Variants in ZNF407 observed in about 807,000 individuals in gnomAD.
ZNF407 encodes zinc finger protein 407.
Under a neutral mutation model 131.2 loss-of-function variants are expected in ZNF407, and 17 were observed. That is an observed-to-expected ratio of 0.13 (90% CI 0.09 to 0.19). ZNF407 has a LOEUF of 0.19. ZNF407 is among the 10% of genes least tolerant of loss of function. ZNF407 has a pLI of 1.00. For missense variants in ZNF407, 2,681 were observed against 2,830.6 expected (o/e 0.95, Z 1.20); for synonymous variants, 1,156 against 1,062.0 (o/e 1.09, Z -1.72).
At chr18:74,795,237 G>C (rs940490045) in intron 4 of ZNF407, among the ~76,000 whole-genome samples, 1 of 151,900 alleles carries the variant, frequency 6.6e-6, no homozygotes, top group African/African-American at 2.4e-5. Flanking sequence ...TTATACTCTG[G>C]GGCCGTTGGC....
chr18:74,688,940 T>A (rs1209800236), intron 3 of ZNF407, among the ~76,000 whole-genome samples: 1 of 152,192 alleles, frequency 6.6e-6, no homozygotes, highest in Middle Eastern at 3.2e-3. Flanking sequence ...GCGATTCTCC[T>A]GCCTCAGTCT....
chr18:74,730,891 A>G lies in ZNF407; in HGVS notation c.4803-50537A>G, dbSNP rs145427576. On this transcript the variant is annotated intron_variant, in intron 3 of 8. Transcript: ENST00000299687. ...AGCATAAGGAGGATATAAAAGTCCAATCATCCCCCTTAAGAATTTTTGATG... is the reference window on the plus strand; with the variant it reads ...AGCATAAGGAGGATATAAAAGTCCAGTCATCCCCCTTAAGAATTTTTGATG... 7.0e-4 allele frequency among the ~76,000 whole-genome samples: 107 copies of G among 152,326 alleles called. No individual in the cohort carries two copies. In the East Asian group the frequency reaches 0.014, roughly 20 times the overall value.
At chr18:74,674,291 G>T (rs998739147) in intron 3 of ZNF407, among the ~76,000 whole-genome samples, 10 of 152,178 alleles carry the variant, frequency 6.6e-5, no homozygotes, top group African/African-American at 1.9e-4. Context: ...ACTTGTTAGA[G>T]ATCCAGGACT....
At chr18:74,964,503 T>A (rs1437726496) in intron 8 of ZNF407, among the ~76,000 whole-genome samples, 1 of 152,020 alleles carries the variant, frequency 6.6e-6, no homozygotes, top group Non-Finnish European at 1.5e-5. Context: ...TCAAAATTTA[T>A]CCATCTTGCT....
At chr18:74,989,188 G>A (rs1399159852) in intron 8 of ZNF407, among the ~76,000 whole-genome samples, 1 of 152,230 alleles carries the variant, frequency 6.6e-6, no homozygotes, top group Non-Finnish European at 1.5e-5. Context: ...TATCCTGAGA[G>A]AAAGAAGTGA....
chr18:74,998,223 T>C (rs1972801890), intron 8 of ZNF407, among the ~76,000 whole-genome samples: 1 of 152,234 alleles, frequency 6.6e-6, no homozygotes, highest in Non-Finnish European at 1.5e-5. Flanking sequence ...AGAGAGAGTT[T>C]TAATTCCTTT....
intron 3 of ZNF407, among the ~76,000 whole-genome samples, chr18:74,654,694 C>G (rs975622517): frequency 6.6e-6 from 1 of 151,744 alleles, no homozygotes; most frequent in African/African-American, 2.4e-5. Flanking sequence ...AATTTGAGAT[C>G]ATGAGGCTGA....
chr18:74,721,931 G>A (rs1968046622), intron 3 of ZNF407, among the ~76,000 whole-genome samples: 1 of 152,088 alleles, frequency 6.6e-6, no homozygotes. Flanking sequence ...TTATTCTTCT[G>A]ACTTCTACCT....
chr18:74,630,613 T>C (rs919930083), intron 1 of ZNF407, among the ~76,000 whole-genome samples: 4 of 152,140 alleles, frequency 2.6e-5, no homozygotes, highest in African/African-American at 7.2e-5. Flanking sequence ...CTCATTGAAA[T>C]GTTTTTTGAA....
intron 2 of ZNF407, among the ~76,000 whole-genome samples, chr18:74,638,774 A>G (rs985409592): frequency 4.6e-5 from 7 of 152,226 alleles, no homozygotes; most frequent in Non-Finnish European, 1.5e-5. Flanking sequence ...TAATAATCAA[A>G]ATGTACCTGA....
chr18:74,762,927 G>A (rs186116851), intron 3 of ZNF407, among the ~76,000 whole-genome samples: 105 of 152,040 alleles, frequency 6.9e-4, no homozygotes, highest in African/African-American at 1.9e-3. Context: ...AGTTTTGTAT[G>A]GCCATAGCCC....
chr18:75,012,032 A>C lies in ZNF407; in HGVS notation c.5429-51118A>C, dbSNP rs181172735. On this transcript the variant is annotated intron_variant, in intron 8 of 8. Coordinates refer to ENST00000299687, the MANE Select transcript of ZNF407 (RefSeq NM_017757.3). The stretch of plus-strand genomic sequence containing the variant: ...TTAAAACTCTTCTTTTTAAACCTGC[A>C]AAAACAAGTTTCACCTGGTTATTGA... Among the ~76,000 whole-genome samples, 20 of 152,290 alleles carry C rather than the reference A, an allele frequency of 1.3e-4. No individual in the cohort carries two copies. In the South Asian group the frequency reaches 3.3e-3, roughly 25 times the overall value.
chr18:74,782,620 C>T (rs930540288), intron 4 of ZNF407, among the ~76,000 whole-genome samples: 9 of 151,880 alleles, frequency 5.9e-5, no homozygotes, highest in African/African-American at 2.2e-4. Flanking sequence ...CCCTTTCTCC[C>T]CGTTCTCCCC....
chr18:74,933,583 T>G (rs1972007271), intron 8 of ZNF407, among the ~76,000 whole-genome samples: 3 of 152,344 alleles, frequency 2.0e-5, no homozygotes, highest in Middle Eastern at 6.8e-3. Context: ...TTTTAAAAAT[T>G]ACAAATACAA....
At chr18:75,013,698 T>C (rs1973010446) in intron 8 of ZNF407, among the ~76,000 whole-genome samples, 1 of 152,122 alleles carries the variant, frequency 6.6e-6, no homozygotes, top group East Asian at 1.9e-4. Flanking sequence ...ACCAGCCTGC[T>C]TGTGCCCGTG....
At chr18:74,876,747 C>T (rs1357553193) in intron 4 of ZNF407, among the ~76,000 whole-genome samples, 1 of 152,196 alleles carries the variant, frequency 6.6e-6, no homozygotes, top group Non-Finnish European at 1.5e-5. Context: ...TTCCCTGCAG[C>T]GTAGTGCTGC....
intron 8 of ZNF407, among the ~76,000 whole-genome samples, chr18:74,996,802 A>G (rs948434910): frequency 6.6e-6 from 1 of 152,256 alleles, no homozygotes; most frequent in Admixed American, 6.5e-5. Flanking sequence ...TTACTAACCA[A>G]TGAATTGAAT....
chr18:74,743,187 A>G lies in ZNF407; in HGVS notation c.4803-38241A>G, dbSNP rs1599116271. Among the ~76,000 whole-genome samples, 3 of 152,204 alleles carry G rather than the reference A, an allele frequency of 2.0e-5. No individual in the cohort carries two copies. The East Asian group carries it at 5.8e-4, about 29-fold the overall frequency. On this transcript the variant is annotated intron_variant, in intron 3 of 8. Transcript: ENST00000299687. ...AAGCAAGTTACAGGGGTTAGGGATT[A>G]CAATGTGGGAGGGAAGGTGACACAT...
At chr18:75,044,955 A>G (rs954325308) in intron 8 of ZNF407, among the ~76,000 whole-genome samples, 1 of 152,194 alleles carries the variant, frequency 6.6e-6, no homozygotes, top group Non-Finnish European at 1.5e-5. Flanking sequence ...TACAGCAAAG[A>G]ATTTCTTCTA....
Sources: gnomAD v4.1 joint callset for allele counts (sites outside exome capture counted in the v4.1 genomes callset) on GRCh38, gnomAD v4.1.1 for gene constraint, MANE v1.5 for transcripts, NCBI Gene and HGNC (gene_info 2026-07-23, HGNC 2026-07-21) for gene names.